DAP3: variants seen among roughly 807,000 people sequenced by gnomAD.
DAP3 encodes the protein death associated protein 3, also known as small ribosomal subunit protein mS29.
Under a neutral mutation model 51.9 loss-of-function variants are expected in DAP3, and 28 were observed. The ratio of observed to expected loss-of-function variants is 0.54; its 90% confidence interval spans 0.40 to 0.74. DAP3 has a LOEUF of 0.74. Ranked by LOEUF, DAP3 falls within the 30% of genes least tolerant of loss-of-function variation. DAP3 has a pLI of 0.00. For synonymous variants in DAP3, 170 were observed against 170.3 expected, an observed-to-expected ratio of 1.00 and a Z score of 0.01; for missense variants, 458 against 483.5, an observed-to-expected ratio of 0.95 and a Z score of 0.49.
chr1:155,700,618 C>T (rs71517795), intron 1 of DAP3, among the ~76,000 whole-genome samples: 6 of 128,090 alleles, frequency 4.7e-5, no homozygotes, highest in South Asian at 2.6e-4. Flanking sequence ...AGGTGAGGGG[C>T]GCCTCGGCCC....
At position 155,732,029 on chromosome 1, in the gene DAP3, G is replaced by C; in HGVS notation, c.989G>C (p.Gly330Ala). The change falls in exon 11 of 13, where the codon GGA becomes GCA. Residue 330 changes from glycine to alanine, a missense_variant. Transcript: ENST00000368336. ...GCCTATCTGCCCCAGGAGTTGCTGG[G>C]AAAGGTCAAGTCAAAGGAAAATTTG... ...RKAYLPQELL[G>A]KEGFDALDPF... The C allele has an allele frequency of 6.2e-7, 1 of 1,609,392 alleles. No homozygotes were observed. The highest frequency in any genetic ancestry group is 2.2e-5 in the East Asian group (1 of 44,688).
upstream of DAP3, chr1:155,688,422 G>A: frequency 6.5e-7 from 1 of 1,546,170 alleles, no homozygotes. Flanking sequence ...CTCCCTCCTC[G>A]CGTTCTTCCC....
chr1:155,735,838 A>ATTT (rs35138415), intron 11 of DAP3, among the ~76,000 whole-genome samples: 16 of 82,474 alleles, frequency 1.9e-4, no homozygotes, highest in African/African-American at 4.6e-4. Flanking sequence ...CGCCTGGCTA[A>ATTT]TTTTTTTTTT....
At chr1:155,701,214 A>G (rs1315191967) in intron 1 of DAP3, among the ~76,000 whole-genome samples, 2 of 90,870 alleles carry the variant, frequency 2.2e-5, no homozygotes, top group Non-Finnish European at 4.0e-5. Flanking sequence ...CAGGATGACA[A>G]TGGCGGCTTT....
rs150789035 is a variant in DAP3, at chr1:155,725,619, T to C, written c.379+129T>C. The C allele has an allele frequency of 1.4e-4, 123 of 908,092 alleles. No homozygotes were observed. In the African/African-American group the frequency reaches 1.5e-3, roughly 11 times the overall value. 56.3% of individuals were successfully genotyped at this position (908,092 alleles called of 1,614,324 possible). A position where few individuals can be genotyped will look rare whatever the true frequency, so the allele number is the denominator to read the frequency against. ...AGCTCACACCTATAATCCCAGGAGT[T>C]TGGGAAGCCGAGGCAGGCGTATCGC... On this transcript the variant is annotated intron_variant, in intron 5 of 12. Coordinates refer to ENST00000368336, the MANE Select transcript of DAP3 (RefSeq NM_004632.4).
chr1:155,718,998 C>T (rs1292370683), intron 3 of DAP3, among the ~76,000 whole-genome samples: 4 of 152,182 alleles, frequency 2.6e-5, no homozygotes, highest in African/African-American at 9.7e-5. Context: ...TTTGCTACCC[C>T]TACATCTACG....
intron 1 of DAP3, among the ~76,000 whole-genome samples, chr1:155,700,259 G>T (rs1026970962): frequency 2.0e-5 from 3 of 152,182 alleles, no homozygotes; most frequent in Non-Finnish European, 4.4e-5. Flanking sequence ...TTGTTAAGTT[G>T]TAAGAGTTCT....
intron 11 of DAP3, among the ~76,000 whole-genome samples, chr1:155,734,577 A>G (rs1659571168): frequency 6.6e-6 from 1 of 152,112 alleles, no homozygotes; most frequent in Non-Finnish European, 1.5e-5. Flanking sequence ...CATTTCTCCA[A>G]AGAGCATTGG....
intron 9 of DAP3, among the ~76,000 whole-genome samples, chr1:155,731,028 G>C (rs540325253): frequency 6.6e-6 from 1 of 152,240 alleles, no homozygotes; most frequent in South Asian, 2.1e-4. Flanking sequence ...CCAGCACTTT[G>C]GTAGGCCGAG....
At chr1:155,704,733 A>G (rs1220202524) in intron 1 of DAP3, among the ~76,000 whole-genome samples, 1 of 152,068 alleles carries the variant, frequency 6.6e-6, no homozygotes, top group Non-Finnish European at 1.5e-5. Context: ...TAATCCCAAT[A>G]CTTTGGGGGG....
chr1:155,718,022 T>C (rs1356530244), intron 3 of DAP3, among the ~76,000 whole-genome samples: 4 of 152,166 alleles, frequency 2.6e-5, no homozygotes, highest in African/African-American at 9.7e-5. Flanking sequence ...CTTAATATAG[T>C]CTGTGTGGAA....
At position 155,738,655 on chromosome 1, in the gene DAP3, G is replaced by A. The variant is rs1251049780; in HGVS notation, c.*413G>A. 2 of 156,558 alleles carry A rather than the reference G, an allele frequency of 1.3e-5. No individual in the cohort carries two copies. Among genetic ancestry groups the A allele is most frequent in the Admixed American group, 6.4e-5 (1 of 15,710 alleles). The allele number at this position is 156,558 out of a possible 1,614,324, so 9.7% of individuals were successfully genotyped here. On this transcript the variant is annotated 3_prime_UTR_variant, in exon 13 of 13. Transcript: ENST00000368336. ...AGAAATTTCCAGTGGTTCTGTTGAG[G>A]CTTTATGGAATTCAGCATGTCAAAA... is the stretch of plus-strand genomic sequence containing the variant.
intron 10 of DAP3, 25 bp downstream of exon 10, chr1:155,731,440 A>G (rs753213568): frequency 6.2e-7 from 1 of 1,605,942 alleles, no homozygotes; most frequent in Non-Finnish European, 8.5e-7. Context: ...TACCTCACAC[A>G]TTTCAGAAAG....
chr1:155,725,412 G>GT lies in DAP3; in HGVS notation c.302dup (p.Arg102LysfsTer78). On this transcript the variant is annotated frameshift_variant, in exon 5 of 13. Transcript: ENST00000368336. LOFTEE classifies it high-confidence loss of function. ...GACATTCAGTGAAGCTTGCCTGATG[G>GT]TAAGGAAACCAGCCCTAGAACTTCT... is the stretch of plus-strand genomic sequence containing the variant. The GT allele has an allele frequency of 6.2e-7, 1 of 1,614,068 alleles. No individual in the cohort carries two copies. Among genetic ancestry groups the GT allele is most frequent in the Non-Finnish European group, 8.5e-7 (1 of 1,180,030 alleles).
chr1:155,729,388 A>G lies in DAP3; in HGVS notation c.843+22A>G, dbSNP rs1658963944. On this transcript the variant is annotated intron_variant, in intron 9 of 12. Coordinates refer to ENST00000368336, the MANE Select transcript of DAP3 (RefSeq NM_004632.4). ...CCCGGTAGGAAAACTGGGTGTCTCT[A>G]TCTTGTTTCTCTGATTTCTGATTCC... 2.5e-6 allele frequency: 4 copies of G among 1,610,790 alleles called. No individual in the cohort carries two copies. The African/African-American group carries it at 4.0e-5, about 16-fold the overall frequency.
intron 1 of DAP3, among the ~76,000 whole-genome samples, chr1:155,708,689 C>T (rs1346041914): frequency 6.7e-6 from 1 of 150,244 alleles, no homozygotes; most frequent in Non-Finnish European, 1.5e-5. Context: ...TGCATATCAC[C>T]ACTCCTGACT....
chr1:155,705,901 A>G (rs1283654932), intron 1 of DAP3, among the ~76,000 whole-genome samples: 2 of 151,994 alleles, frequency 1.3e-5, no homozygotes, highest in South Asian at 2.1e-4. Flanking sequence ...GGGTTTCACC[A>G]TATTGTCCAG....
intron 9 of DAP3, among the ~76,000 whole-genome samples, chr1:155,730,363 T>C (rs1659112855): frequency 6.6e-6 from 1 of 151,784 alleles, no homozygotes; most frequent in South Asian, 2.1e-4. Context: ...CCAGCACTTT[T>C]AGGAGGCCAA....
intron 4 of DAP3, among the ~76,000 whole-genome samples, chr1:155,724,172 T>C (rs2149180709): frequency 6.6e-6 from 1 of 152,268 alleles, no homozygotes; most frequent in South Asian, 2.1e-4. Context: ...TTCCCAAATT[T>C]CCCACCAAAG....
Sources: gnomAD v4.1 joint callset for allele counts (sites outside exome capture counted in the v4.1 genomes callset) on GRCh38, gnomAD v4.1.1 for gene constraint, MANE v1.5 for transcripts, NCBI Gene and HGNC (gene_info 2026-07-23, HGNC 2026-07-21) for gene names.